The following DPYSL3 variants were observed in gnomAD, a reference collection of about 807,000 sequenced individuals.
The protein encoded by DPYSL3 is dihydropyrimidinase like 3.
DPYSL3 carries 16 observed loss-of-function variants against 66.1 expected under a neutral mutation model. The ratio of observed to expected loss-of-function variants is 0.24; its 90% CI spans 0.16 to 0.37. DPYSL3 has a LOEUF of 0.37. DPYSL3 is among the 10% of genes least tolerant of loss of function. The pLI is 1.00. For missense variants in DPYSL3, 738 were observed against 916.2 expected, an observed-to-expected ratio of 0.81 and a Z score of 2.51; for synonymous variants, 338 against 345.1, an observed-to-expected ratio of 0.98 and a Z score of 0.23.
intron 1 of DPYSL3, among the ~76,000 whole-genome samples, chr5:147,468,382 T>G (rs1056505778): frequency 6.6e-6 from 1 of 152,256 alleles, no homozygotes; most frequent in Non-Finnish European, 1.5e-5. Flanking sequence ...GCAATTTGCC[T>G]TTGTTTAGAA....
intron 1 of DPYSL3, among the ~76,000 whole-genome samples, chr5:147,476,065 A>T (rs1753150833): frequency 6.6e-6 from 1 of 152,212 alleles, no homozygotes. Context: ...AAACTGAGGC[A>T]TAATGATTAT....
At chr5:147,435,632 T>C (rs1322516288) in intron 1 of DPYSL3, among the ~76,000 whole-genome samples, 1 of 151,402 alleles carries the variant, frequency 6.6e-6, no homozygotes, top group Non-Finnish European at 1.5e-5. Flanking sequence ...ATAAGTAAAA[T>C]AGTCAATCAT....
intron 8 of DPYSL3, among the ~76,000 whole-genome samples, chr5:147,404,306 A>G (rs1758276722): frequency 6.6e-6 from 1 of 152,238 alleles, no homozygotes; most frequent in African/African-American, 2.4e-5. Flanking sequence ...TCTGTCAGCT[A>G]GGAAGAGTGT....
At chr5:147,426,679 TA>T (rs1752204471) in intron 1 of DPYSL3, among the ~76,000 whole-genome samples, 1 of 152,178 alleles carries the variant, frequency 6.6e-6, no homozygotes, top group African/African-American at 2.4e-5. Context: ...AAAGAGGATA[TA>T]AAGTTTATGG....
At chr5:147,497,853 A>T (rs1376015745) in intron 1 of DPYSL3, among the ~76,000 whole-genome samples, 1 of 152,136 alleles carries the variant, frequency 6.6e-6, no homozygotes, top group Non-Finnish European at 1.5e-5. Context: ...CAAGGCAAAG[A>T]CACACTTTTT....
chr5:147,441,831 G>C (rs1025818412), intron 1 of DPYSL3, among the ~76,000 whole-genome samples: 6 of 152,012 alleles, frequency 3.9e-5, no homozygotes, highest in African/African-American at 7.3e-5. Context: ...TAGCAAAAAG[G>C]GTTCTGAGAT....
chr5:147,430,528 AAAAAAGG>A (rs1373747058), intron 1 of DPYSL3, among the ~76,000 whole-genome samples: 1 of 151,668 alleles, frequency 6.6e-6, no homozygotes, highest in African/African-American at 2.4e-5. Flanking sequence ...AAAAAAAGAA[AAAAAAGG>A]AAAAAGAAAA....
Position 147,401,591 on chromosome 5 carries a change from G to A in DPYSL3, c.1259C>T (p.Pro420Leu). 1 of 1,613,928 alleles carries A rather than the reference G, an allele frequency of 6.2e-7. No homozygotes were observed. The highest frequency in any genetic ancestry group is 8.5e-7 in the Non-Finnish European group (1 of 1,179,996). ...AKAAAFVTSP[P>L]LSPDPTTPDY... ...CGGAGTAGTTGGGTCAGGGCTCAGGGGTGGGGATGTCACAAATGCAGCCGC... is the reference window on the plus strand; with the variant it reads ...CGGAGTAGTTGGGTCAGGGCTCAGGAGTGGGGATGTCACAAATGCAGCCGC... The change falls in exon 9 of 14, where the codon CCC becomes CTC. Residue 420 changes from proline (P) to leucine (L), a missense_variant. Transcript: ENST00000343218.
intron 5 of DPYSL3, among the ~76,000 whole-genome samples, chr5:147,413,375 T>C (rs1415812362): frequency 1.3e-5 from 2 of 152,174 alleles, no homozygotes; most frequent in Non-Finnish European, 2.9e-5. Flanking sequence ...TTAAGAAAGC[T>C]GCTGCCAGTG....
Position 147,401,582 on chromosome 5 carries a change from G to C in DPYSL3, c.1268C>G (p.Pro423Arg), listed in dbSNP as rs1219921836. ...AAFVTSPPLS[P>R]DPTTPDYINS... ...GATGTAGTCCGGAGTAGTTGGGTCA[G>C]GGCTCAGGGGTGGGGATGTCACAAA... Residue 423 changes from proline to arginine, a missense_variant, in exon 9 of 14, where the codon CCT (proline) becomes CGT (arginine). Coordinates refer to ENST00000343218, the MANE Select transcript of DPYSL3 (RefSeq NM_001197294.2). The C allele has an allele frequency of 6.2e-6, 10 of 1,613,672 alleles. No individual in the cohort carries two copies. The highest frequency in any genetic ancestry group is 8.5e-6 in the Non-Finnish European group (10 of 1,179,922).
intron 9 of DPYSL3, among the ~76,000 whole-genome samples, chr5:147,401,248 A>C (rs1021674434): frequency 6.6e-6 from 1 of 152,196 alleles, no homozygotes; most frequent in Non-Finnish European, 1.5e-5. Flanking sequence ...TCACTCATAA[A>C]GTTGTTAGGA....
chr5:147,395,657 G>T lies in DPYSL3; in HGVS notation c.1868C>A (p.Thr623Asn), dbSNP rs990783323. 1.2e-6 allele frequency: 2 copies of T among 1,614,114 alleles called. No homozygotes were observed. Among genetic ancestry groups the T allele is most frequent in the Middle Eastern group, 1.6e-4 (1 of 6,062 alleles). The change falls in exon 13 of 14, where the codon ACC (threonine) becomes AAC (asparagine). Residue 623 changes from threonine to asparagine, a missense_variant. Physicochemically the swap from Thr to Asn is moderately conservative, Grantham distance 65 (BLOSUM62 0). Coordinates refer to ENST00000343218, the MANE Select transcript of DPYSL3 (RefSeq NM_001197294.2). ...GCCTGCGGGGGTGCCACCTTTGGGGGTGGTGGTCAGGTCAAACACAGGCCC... is the reference window on the plus strand; with the variant it reads ...GCCTGCGGGGGTGCCACCTTTGGGGTTGGTGGTCAGGTCAAACACAGGCCC... ...YDGPVFDLTTTPKGGTPAGSA... is the reference protein window; with the variant it reads ...YDGPVFDLTTNPKGGTPAGSA...
chr5:147,431,500 T>C (rs1277576225), intron 1 of DPYSL3, among the ~76,000 whole-genome samples: 1 of 151,900 alleles, frequency 6.6e-6, no homozygotes. Context: ...ATATAAAGGG[T>C]TGAACTCTGC....
At position 147,476,428 on chromosome 5, in the gene DPYSL3, A is replaced by G. The variant is rs911581597; in HGVS notation, c.381+33050T>C. Among the ~76,000 whole-genome samples the G allele has an allele frequency of 2.0e-5, 3 of 152,332 alleles. No individual in the cohort carries two copies. The East Asian group carries it at 5.8e-4, about 29-fold the overall frequency. ...TCCAATGCAAAATATGTTAATGCAT[A>G]TTTAGGAGTAAAAACAAGGGAAATG... On this transcript the variant is annotated intron_variant, in intron 1 of 13. Coordinates refer to ENST00000343218, the MANE Select transcript of DPYSL3 (RefSeq NM_001197294.2).
At chr5:147,435,281 C>T (rs1325394155) in intron 1 of DPYSL3, among the ~76,000 whole-genome samples, 8 of 152,144 alleles carry the variant, frequency 5.3e-5, no homozygotes, top group South Asian at 2.1e-4. Flanking sequence ...TTCATAATTA[C>T]CATTTACTGA....
At chr5:147,453,139 G>A (rs1468462934) in intron 1 of DPYSL3, among the ~76,000 whole-genome samples, 1 of 152,058 alleles carries the variant, frequency 6.6e-6, no homozygotes, top group Admixed American at 6.5e-5. Context: ...CCTGGGGAAA[G>A]GTGTCATCTC....
At chr5:147,441,662 A>G (rs1459695979) in intron 1 of DPYSL3, among the ~76,000 whole-genome samples, 1 of 152,210 alleles carries the variant, frequency 6.6e-6, no homozygotes, top group Admixed American at 6.5e-5. Flanking sequence ...CCTATGCCTC[A>G]TACTTTTTTA....
intron 8 of DPYSL3, 135 bp downstream of exon 8, chr5:147,405,475 G>A (rs1581175923): frequency 8.2e-7 from 1 of 1,219,572 alleles, no homozygotes; most frequent in Middle Eastern, 2.0e-4. Flanking sequence ...CATCCACACA[G>A]GATGTGGAGA....
intron 1 of DPYSL3, among the ~76,000 whole-genome samples, chr5:147,500,723 T>A (rs981508402): frequency 1.3e-5 from 2 of 151,850 alleles, no homozygotes; most frequent in African/African-American, 4.8e-5. Context: ...AGATGTTCCA[T>A]ATCATATGCC....
Sources: allele counts gnomAD v4.1 joint callset (sites outside exome capture counted in the v4.1 genomes callset), GRCh38; gene constraint gnomAD v4.1.1; transcripts MANE v1.5; gene names NCBI Gene and HGNC (gene_info 2026-07-23, HGNC 2026-07-21).